Variants in CCDC146 observed in about 807,000 individuals in gnomAD.
CCDC146 encodes the protein coiled-coil domain containing 146, also known as coiled-coil domain-containing protein 146.
CCDC146 carries 92 observed loss-of-function variants against 119.3 expected under a neutral mutation model. The observed-to-expected ratio is 0.77, with a 90% CI of 0.65 to 0.92. CCDC146 has a LOEUF of 0.92. CCDC146 is among the 40% of genes least tolerant of loss of function. The pLI, the probability that CCDC146 is intolerant of heterozygous loss-of-function variation, is 0.00. For missense variants in CCDC146, 1,000 were observed against 1,103.0 expected (o/e 0.91, Z 1.32); for synonymous variants, 372 against 371.8 (o/e 1.00, Z -0.01).
chr7:77,279,298 G>T (rs1007462736), intron 13 of CCDC146, among the ~76,000 whole-genome samples, 197 bp downstream of exon 13: 4 of 152,030 alleles, frequency 2.6e-5, no homozygotes, highest in African/African-American at 9.7e-5. Flanking sequence ...AAAAAGAATA[G>T]TATTTTAGAA....
intron 2 of CCDC146, among the ~76,000 whole-genome samples, chr7:77,177,295 A>AT (rs1455869410): frequency 4.6e-5 from 7 of 151,982 alleles, no homozygotes; most frequent in Non-Finnish European, 7.4e-5. Context: ...AATATTTTCT[A>AT]TTTTTTTATA....
intron 2 of CCDC146, among the ~76,000 whole-genome samples, chr7:77,206,668 T>C (rs58061485): frequency 0.054 from 6,879 of 127,278 alleles, 436 homozygotes; most frequent in African/African-American, 0.18. Context: ...TATATATATA[T>C]ATATACACAC....
chr7:77,145,175 A>G (rs1180015491), intron 1 of CCDC146, among the ~76,000 whole-genome samples: 1 of 151,732 alleles, frequency 6.6e-6, no homozygotes, highest in Non-Finnish European at 1.5e-5. Flanking sequence ...GAATTTATCC[A>G]TTTCTTCTAG....
intron 9 of CCDC146, 121 bp from the exon 10 acceptor site, chr7:77,273,573 T>C: frequency 4.0e-6 from 2 of 501,676 alleles, no homozygotes; most frequent in Non-Finnish European, 7.2e-6. Flanking sequence ...CAGGCTGGAG[T>C]GCAGTGGCAC....
chr7:77,147,087 T>G (rs539830443), intron 1 of CCDC146, among the ~76,000 whole-genome samples: 2 of 152,344 alleles, frequency 1.3e-5, no homozygotes, highest in East Asian at 1.9e-4. Context: ...AGTCCCGTAT[T>G]TCTCGGGTAC....
At chr7:77,222,074 G>C (rs1223963176) in intron 2 of CCDC146, among the ~76,000 whole-genome samples, 3 of 152,204 alleles carry the variant, frequency 2.0e-5, no homozygotes, top group African/African-American at 7.2e-5. Flanking sequence ...TAATTTAACA[G>C]AGTAGACTTG....
chr7:77,205,625 G>T (rs1792068632), intron 2 of CCDC146, among the ~76,000 whole-genome samples: 1 of 152,154 alleles, frequency 6.6e-6, no homozygotes, highest in Non-Finnish European at 1.5e-5. Flanking sequence ...CAAGCATGAT[G>T]GTGCACACCT....
intron 1 of CCDC146, among the ~76,000 whole-genome samples, chr7:77,146,090 A>G (rs911486596): frequency 6.6e-6 from 1 of 151,926 alleles, no homozygotes; most frequent in African/African-American, 2.4e-5. Flanking sequence ...TGCTTTATGA[A>G]TCTGGGTGCT....
At chr7:77,274,358 C>A in intron 10 of CCDC146, 124 bp from the exon 11 acceptor site, 1 of 638,384 alleles carries the variant, frequency 1.6e-6, no homozygotes, top group South Asian at 2.9e-5. Context: ...CGTGAGCCAC[C>A]ACACCTGGCC....
At chr7:77,242,892 G>C (rs528772673) in intron 4 of CCDC146, among the ~76,000 whole-genome samples, 1 of 152,036 alleles carries the variant, frequency 6.6e-6, no homozygotes, top group African/African-American at 2.4e-5. Flanking sequence ...GGCGGTGGGT[G>C]GGGGTGGGGT....
intron 2 of CCDC146, among the ~76,000 whole-genome samples, chr7:77,201,021 C>T (rs557574866): frequency 1.3e-5 from 2 of 152,212 alleles, no homozygotes; most frequent in South Asian, 4.1e-4. Flanking sequence ...TTCTGTATAT[C>T]CCCTTAATTT....
At chr7:77,173,876 G>A (rs932897501) in intron 2 of CCDC146, among the ~76,000 whole-genome samples, 8 of 152,100 alleles carry the variant, frequency 5.3e-5, no homozygotes, top group Admixed American at 2.6e-4. Context: ...TACAGATCAG[G>A]TTTTTTATGT....
intron 6 of CCDC146, among the ~76,000 whole-genome samples, chr7:77,256,807 C>A (rs1039885190): frequency 5.3e-5 from 8 of 152,126 alleles, no homozygotes; most frequent in Non-Finnish European, 1.2e-4. Context: ...CAATTGTTTC[C>A]TTGAAGAACA....
intron 4 of CCDC146, among the ~76,000 whole-genome samples, chr7:77,246,973 C>A (rs1301238411): frequency 6.6e-6 from 1 of 151,954 alleles, no homozygotes; most frequent in African/African-American, 2.4e-5. Context: ...CAGTAGAAAA[C>A]CTTGTAAATA....
At chr7:77,133,100 G>A (rs1169484610) in intron 1 of CCDC146, among the ~76,000 whole-genome samples, 1 of 151,976 alleles carries the variant, frequency 6.6e-6, no homozygotes, top group African/African-American at 2.4e-5. Context: ...CACCCCAGGA[G>A]GCAGAGGTTG....
At chr7:77,259,847 A>G in intron 7 of CCDC146, 162 bp from the exon 8 acceptor site, 2 of 589,258 alleles carry the variant, frequency 3.4e-6, no homozygotes, top group South Asian at 4.3e-5. Context: ...GTCTTTACCC[A>G]CTGCTGAGAT....
At chr7:77,142,451 T>C (rs1384747288) in intron 1 of CCDC146, among the ~76,000 whole-genome samples, 2 of 151,886 alleles carry the variant, frequency 1.3e-5, no homozygotes, top group Non-Finnish European at 2.9e-5. Flanking sequence ...CATGTATACA[T>C]GTGTACAATG....
At chr7:77,162,693 T>C (rs1352145367) in intron 1 of CCDC146, among the ~76,000 whole-genome samples, 1 of 152,138 alleles carries the variant, frequency 6.6e-6, no homozygotes, top group Non-Finnish European at 1.5e-5. Flanking sequence ...ATTGGAATTT[T>C]ATAGGGATTG....
chr7:77,229,918 A>G (rs1190603604), intron 2 of CCDC146, among the ~76,000 whole-genome samples: 1 of 152,224 alleles, frequency 6.6e-6, no homozygotes, highest in African/African-American at 2.4e-5. Context: ...GTGACACCAA[A>G]GAAACCTTGT....
Sources: allele counts gnomAD v4.1 joint callset (sites outside exome capture counted in the v4.1 genomes callset), GRCh38; gene constraint gnomAD v4.1.1; transcripts MANE v1.5; gene names NCBI Gene and HGNC (gene_info 2026-07-23, HGNC 2026-07-21).